ERG: variants seen among roughly 807,000 people sequenced by gnomAD.
The protein encoded by ERG is ETS transcription factor ERG, also known as transcriptional regulator ERG.
In ERG, 9 loss-of-function variants were observed where a neutral mutation model predicts 55.3. That is an observed-to-expected ratio of 0.16 (90% CI 0.10 to 0.28). The LOEUF (loss-of-function observed/expected upper bound fraction) is 0.28, where lower values mean the gene tolerates loss of function less well. Ranked by LOEUF, ERG falls within the 10% of genes least tolerant of loss-of-function variation. ERG has a pLI of 1.00. For synonymous variants in ERG, 223 were observed against 237.3 expected (o/e 0.94, Z 0.55); for missense variants, 434 against 631.6 (o/e 0.69, Z 3.35).
chr21:38,445,462 G>T lies in ERG; in HGVS notation c.178C>A (p.Pro60Thr), dbSNP rs767198932. Residue 60 changes from proline to threonine, a missense_variant, in exon 2 of 10, where the codon CCC (proline) becomes ACC (threonine). Pro to Thr is a conservative substitution (Grantham distance 38, BLOSUM62 -1). Transcript: ENST00000288319. ...ATTTTGATGGTGACCCTGGCTGGGGGTTGAGACAGCCAATCCTGCTGAGGG... is the reference window on the plus strand; with the variant it reads ...ATTTTGATGGTGACCCTGGCTGGGGTTTGAGACAGCCAATCCTGCTGAGGG... ...RVPQQDWLSQ[P>T]PARVTIKMEC... 2.5e-6 allele frequency: 4 copies of T among 1,614,072 alleles called. No individual in the cohort carries two copies. In the East Asian group the frequency reaches 8.9e-5, roughly 36 times the overall value.
chr21:38,581,449 A>G (rs2060028161), intron 1 of ERG, among the ~76,000 whole-genome samples: 1 of 152,202 alleles, frequency 6.6e-6, no homozygotes, highest in Non-Finnish European at 1.5e-5. Context: ...GAATTTCCCA[A>G]GTGATGGGAG....
At chr21:38,503,264 G>T (rs2059434730), upstream of ERG, among the ~76,000 whole-genome samples, 1 of 151,932 alleles carries the variant, frequency 6.6e-6, no homozygotes, top group African/African-American at 2.4e-5. Context: ...AAAAATACAG[G>T]CATGTTCTGT....
Position 38,475,955 on chromosome 21 carries a change from G to T in ERG, c.18+22408C>A, listed in dbSNP as rs73906305. On this transcript the variant is annotated intron_variant, in intron 1 of 9. Transcript: ENST00000288319. ...GACATTGCCTTTCTGCCATTTCTTG[G>T]AAGAATTTTTTGAGACAAACTAAAG... Among the ~76,000 whole-genome samples, 252 of 152,234 alleles carry T rather than the reference G, an allele frequency of 1.7e-3. 1 individual carries two copies. The highest frequency in any genetic ancestry group is 5.9e-3 in the African/African-American group (244 of 41,530).
At chr21:38,525,616 G>A (rs1047029616) in intron 2 of ERG, among the ~76,000 whole-genome samples, 1 of 152,142 alleles carries the variant, frequency 6.6e-6, no homozygotes, top group African/African-American at 2.4e-5. Context: ...ACCTTCCTGC[G>A]AGATCCTGCT....
At chr21:38,658,623 C>T (rs1274021180) in intron 1 of ERG, among the ~76,000 whole-genome samples, 1 of 152,180 alleles carries the variant, frequency 6.6e-6, no homozygotes, top group Non-Finnish European at 1.5e-5. Flanking sequence ...TATTACCCTA[C>T]TTACAATGTG....
intron 9 of ERG, 148 bp downstream of exon 9, chr21:38,390,847 A>C: frequency 1.5e-6 from 1 of 670,546 alleles, no homozygotes; most frequent in Non-Finnish European, 2.7e-6. Context: ...AACCCAACCC[A>C]TCTTTCCATT....
At chr21:38,646,465 T>C (rs1188971988) in intron 1 of ERG, among the ~76,000 whole-genome samples, 2 of 152,164 alleles carry the variant, frequency 1.3e-5, no homozygotes, top group Admixed American at 1.3e-4. Flanking sequence ...AACAGAATGT[T>C]AGATTCTGAC....
At chr21:38,559,383 CTT>C (rs574207119) in intron 2 of ERG, among the ~76,000 whole-genome samples, 12 of 92,052 alleles carry the variant, frequency 1.3e-4, no homozygotes, top group South Asian at 4.4e-4. Context: ...TCCCATTTCC[CTT>C]TTTTTTTTTT....
chr21:38,587,421 C>T (rs889803238), upstream of ERG, among the ~76,000 whole-genome samples: 26 of 151,026 alleles, frequency 1.7e-4, no homozygotes, highest in Non-Finnish European at 2.9e-4. Flanking sequence ...TGCAGTGGCA[C>T]GATCTTGGCT....
At chr21:38,493,418 G>A (rs1309329788) in intron 1 of ERG, among the ~76,000 whole-genome samples, 1 of 152,182 alleles carries the variant, frequency 6.6e-6, no homozygotes, top group Non-Finnish European at 1.5e-5. Context: ...TACACACGGT[G>A]GAGAGACATA....
upstream of ERG, among the ~76,000 whole-genome samples, chr21:38,587,531 G>A (rs1053411075): frequency 6.6e-6 from 1 of 152,062 alleles, no homozygotes; most frequent in Non-Finnish European, 1.5e-5. Context: ...GCTAATTTTT[G>A]TATTTTAGTA....
chr21:38,605,618 T>C (rs2060191816), intron 1 of ERG, among the ~76,000 whole-genome samples: 1 of 152,140 alleles, frequency 6.6e-6, no homozygotes, highest in African/African-American at 2.4e-5. Flanking sequence ...GGGTCACAAG[T>C]GCAAGTCCTA....
At chr21:38,457,300 G>C (rs2058999207) in intron 1 of ERG, among the ~76,000 whole-genome samples, 1 of 152,136 alleles carries the variant, frequency 6.6e-6, no homozygotes, top group Non-Finnish European at 1.5e-5. Context: ...GCTGGGCGTG[G>C]TGGCACATGC....
rs1987443470 is a variant in ERG at position 38,381,706 on chromosome 21, A to G, written c.*1697T>C. On this transcript the variant is annotated 3_prime_UTR_variant, in exon 10 of 10. Coordinates refer to ENST00000288319, the MANE Select transcript of ERG (RefSeq NM_182918.4). ...CAGGAATTAAGGGTGATTTGTGACCAGGTGCTGAACTAGAATTTCTCAATG... is the reference window on the plus strand; with the variant it reads ...CAGGAATTAAGGGTGATTTGTGACCGGGTGCTGAACTAGAATTTCTCAATG... The G allele has an allele frequency of 1.9e-6, 2 of 1,063,424 alleles. No homozygotes were observed. Among genetic ancestry groups the G allele is most frequent in the African/African-American group, 3.3e-5 (2 of 60,986 alleles). 65.9% of individuals were successfully genotyped at this position (1,063,424 alleles called of 1,614,324 possible). A position where few individuals can be genotyped will look rare whatever the true frequency, so the allele number is the denominator to read the frequency against.
chr21:38,638,303 C>T (rs2060402905), intron 1 of ERG, among the ~76,000 whole-genome samples: 1 of 152,194 alleles, frequency 6.6e-6, no homozygotes, highest in Non-Finnish European at 1.5e-5. Context: ...TAAAGCCCAG[C>T]ACAGTCGGCA....
At chr21:38,598,613 C>T (rs1157392505) in intron 1 of ERG, among the ~76,000 whole-genome samples, 2 of 152,142 alleles carry the variant, frequency 1.3e-5, no homozygotes, top group African/African-American at 2.4e-5. Context: ...AAAAAGGATG[C>T]CCGCACATCC....
At chr21:38,415,970 C>T (rs544380261) in intron 3 of ERG, among the ~76,000 whole-genome samples, 2 of 152,330 alleles carry the variant, frequency 1.3e-5, no homozygotes, top group South Asian at 4.1e-4. Flanking sequence ...ATAAATAACT[C>T]ACGCTAAGAG....
chr21:38,441,325 T>G (rs2058839209), intron 2 of ERG, among the ~76,000 whole-genome samples: 1 of 152,062 alleles, frequency 6.6e-6, no homozygotes, highest in Non-Finnish European at 1.5e-5. Flanking sequence ...CAGTTGAACT[T>G]GACTAAAGGA....
At chr21:38,613,284 C>T (rs776448803) in intron 1 of ERG, among the ~76,000 whole-genome samples, 20 of 152,142 alleles carry the variant, frequency 1.3e-4, no homozygotes, top group African/African-American at 3.4e-4. Context: ...GTTTTCTGAA[C>T]GAAAGTTAGC....
Sources: allele counts gnomAD v4.1 joint callset (sites outside exome capture counted in the v4.1 genomes callset), GRCh38; gene constraint gnomAD v4.1.1; transcripts MANE v1.5; gene names NCBI Gene and HGNC (gene_info 2026-07-23, HGNC 2026-07-21).